The following RHOBTB1 variants were observed in gnomAD, a reference collection of about 807,000 sequenced individuals.
RHOBTB1 encodes rho-related BTB domain-containing protein 1.
In RHOBTB1, 40 loss-of-function variants were observed where a neutral mutation model predicts 71.6. The ratio of observed to expected loss-of-function variants is 0.56; its 90% CI spans 0.43 to 0.73. The LOEUF (loss-of-function observed/expected upper bound fraction) is 0.73. Among genes scored for constraint, RHOBTB1 ranks in the 30% least tolerant of loss-of-function variants. RHOBTB1 has a pLI of 0.00. For missense variants in RHOBTB1, 797 were observed against 894.0 expected (o/e 0.89, Z 1.38); for synonymous variants, 319 against 334.9 (o/e 0.95, Z 0.52).
At chr10:60,883,350 G>A (rs184885187) in intron 7 of RHOBTB1, among the ~76,000 whole-genome samples, 10 of 152,310 alleles carry the variant, frequency 6.6e-5, no homozygotes, top group Non-Finnish European at 8.8e-5. Flanking sequence ...ATTCACATTC[G>A]CTGCCAAGTT....
intron 2 of RHOBTB1, among the ~76,000 whole-genome samples, chr10:60,929,167 G>T (rs1051210536): frequency 2.0e-5 from 3 of 151,992 alleles, no homozygotes; most frequent in Non-Finnish European, 2.9e-5. Context: ...GATTATAATT[G>T]GATATGAGAT....
chr10:60,911,998 C>A (rs541653844), intron 2 of RHOBTB1, among the ~76,000 whole-genome samples: 1 of 152,080 alleles, frequency 6.6e-6, no homozygotes, highest in Non-Finnish European at 1.5e-5. Flanking sequence ...ATCACAAGAT[C>A]GCTCATTAGC....
intron 4 of RHOBTB1, among the ~76,000 whole-genome samples, chr10:60,899,714 G>C (rs2082323077): frequency 6.6e-6 from 1 of 152,124 alleles, no homozygotes; most frequent in Non-Finnish European, 1.5e-5. Context: ...TAGACATTGG[G>C]GATAGAGTGA....
Position 61,000,466 on chromosome 10 carries a change from T to C in RHOBTB1, c.-163+933A>G, listed in dbSNP as rs1565227398. On this transcript the variant is annotated intron_variant, in intron 1 of 11. Transcript: ENST00000357917. Reference sequence around the variant, plus strand: ...TCTCAGCACACACACCTCTCAGTAATACAGCGCATAAAAAGGCACATAAAG... The same window carrying C: ...TCTCAGCACACACACCTCTCAGTAACACAGCGCATAAAAAGGCACATAAAG... 1.3e-5 allele frequency among the ~76,000 whole-genome samples: 2 copies of C among 152,070 alleles called. 1 individual carries two copies. The highest frequency in any genetic ancestry group is 2.9e-5 in the Non-Finnish European group (2 of 68,012).
At chr10:60,927,506 A>G (rs1356713428) in intron 2 of RHOBTB1, among the ~76,000 whole-genome samples, 2 of 152,226 alleles carry the variant, frequency 1.3e-5, no homozygotes, top group Admixed American at 1.3e-4. Context: ...GGACAGTCAT[A>G]AAAACAGACA....
intron 1 of RHOBTB1, among the ~76,000 whole-genome samples, chr10:60,995,176 T>C (rs1456424138): frequency 6.6e-6 from 1 of 152,180 alleles, no homozygotes; most frequent in African/African-American, 2.4e-5. Flanking sequence ...GAGGACTATA[T>C]TGCTTTGGTC....
chr10:60,987,821 C>A (rs1045406159), intron 1 of RHOBTB1, among the ~76,000 whole-genome samples: 1 of 151,966 alleles, frequency 6.6e-6, no homozygotes, highest in African/African-American at 2.4e-5. Flanking sequence ...ACCATCTCCC[C>A]TCACTATCAA....
At chr10:60,934,311 A>G (rs2084439049) in intron 2 of RHOBTB1, among the ~76,000 whole-genome samples, 1 of 152,162 alleles carries the variant, frequency 6.6e-6, no homozygotes, top group Non-Finnish European at 1.5e-5. Flanking sequence ...ACTCATCAAT[A>G]TATCATCTTG....
At chr10:60,917,883 C>A (rs2083352884) in intron 2 of RHOBTB1, among the ~76,000 whole-genome samples, 1 of 152,208 alleles carries the variant, frequency 6.6e-6, no homozygotes, top group Non-Finnish European at 1.5e-5. Context: ...GGAAAGATTT[C>A]CTAACTAACC....
chr10:60,916,672 C>G (rs2083283772), intron 2 of RHOBTB1, among the ~76,000 whole-genome samples: 1 of 152,166 alleles, frequency 6.6e-6, no homozygotes, highest in South Asian at 2.1e-4. Flanking sequence ...CCCTCAATTT[C>G]TTGCATTGCA....
chr10:60,934,496 C>G (rs73266028), intron 2 of RHOBTB1, among the ~76,000 whole-genome samples: 1,876 of 152,278 alleles, frequency 0.012, 42 homozygotes, highest in African/African-American at 0.042. Context: ...CTTTCCAGAT[C>G]AAGACATGAG....
Position 60,888,583 on chromosome 10 carries a change from T to A in RHOBTB1, c.1085A>T (p.Glu362Val). Residue 362 changes from glutamate (E) to valine (V), a missense_variant, in exon 6 of 11, where the codon GAG becomes GTG. This residue lies in a region of RHOBTB1 where 658 missense variants were observed against 681.5 expected (regional missense o/e 0.97). Coordinates refer to ENST00000337910, the MANE Select transcript of RHOBTB1 (RefSeq NM_014836.5). ...SLVEALGLEA[E>V]GAVPETQTLT... is the part of the protein sequence containing the mutation. ...AGTCTGTGTCTCAGGAACTGCACCC[T>A]CGGCTTCCAGCCCCAGAGCCTCCAC... 6.2e-7 allele frequency: 1 copy of A among 1,614,184 alleles called. No individual in the cohort carries two copies. The highest frequency in any genetic ancestry group is 8.5e-7 in the Non-Finnish European group (1 of 1,180,044).
intron 4 of RHOBTB1, among the ~76,000 whole-genome samples, chr10:60,895,696 GC>G (rs1350354578): frequency 2.6e-5 from 4 of 152,260 alleles, no homozygotes; most frequent in African/African-American, 7.2e-5. Flanking sequence ...AAGCCACCGC[GC>G]CCGGCCCAAG....
chr10:60,909,216 T>C (rs1455614113), intron 4 of RHOBTB1, among the ~76,000 whole-genome samples: 2 of 152,208 alleles, frequency 1.3e-5, no homozygotes, highest in East Asian at 1.9e-4. Context: ...TCTCACAAGA[T>C]AATGAAGCAG....
rs542108960 is a variant in RHOBTB1 at position 60,937,117 on chromosome 10, G to A, written c.-11+4687C>T. Among the ~76,000 whole-genome samples, 678 of 152,296 alleles carry A rather than the reference G, an allele frequency of 4.5e-3. 2 individuals are homozygous for A. The highest frequency in any genetic ancestry group is 7.4e-3 in the Non-Finnish European group (502 of 68,022). ...TATCAAAGCAGTAGCTTTCTTCCGC[G>A]TATGTGATGAATTGGATGTGTTGGC... On this transcript the variant is annotated intron_variant, in intron 2 of 10. Transcript: ENST00000337910.
intron 7 of RHOBTB1, among the ~76,000 whole-genome samples, chr10:60,878,472 A>T (rs1250509971): frequency 6.6e-6 from 1 of 152,238 alleles, no homozygotes; most frequent in Non-Finnish European, 1.5e-5. Flanking sequence ...CTAGTTCTCC[A>T]AGATGTCAAA....
chr10:60,965,919 A>C (rs903072150), intron 2 of RHOBTB1, among the ~76,000 whole-genome samples: 1 of 152,192 alleles, frequency 6.6e-6, no homozygotes. Context: ...ATATTTAAAA[A>C]AAAAATCAAA....
At chr10:60,934,846 C>T (rs1306321482) in intron 2 of RHOBTB1, among the ~76,000 whole-genome samples, 1 of 152,172 alleles carries the variant, frequency 6.6e-6, no homozygotes, top group Non-Finnish European at 1.5e-5. Flanking sequence ...GGAGAACATA[C>T]TTTAATGAAT....
In RHOBTB1 at chr10:60,973,596, G is replaced by A. The variant is rs150970490; in HGVS notation, c.-62+12249C>T. 1.2e-4 allele frequency among the ~76,000 whole-genome samples: 18 copies of A among 152,158 alleles called. 1 individual carries two copies. The highest frequency in any genetic ancestry group is 4.3e-4 in the African/African-American group (18 of 41,522). ...TTCAAAAGAAACAACACCAACAACT[G>A]AGATAATGCCATCAGTAACACAGAA... On this transcript the variant is annotated intron_variant, in intron 2 of 11. Coordinates refer to the RHOBTB1 transcript ENST00000357917.
Sources: gnomAD v4.1 joint callset for allele counts (sites outside exome capture counted in the v4.1 genomes callset) on GRCh38, gnomAD v4.1.1 for gene constraint, gnomAD v4.1.1 regional missense constraint, MANE v1.5 for transcripts, NCBI Gene and HGNC (gene_info 2026-07-23, HGNC 2026-07-21) for gene names.